The following RBFOX1 variants were observed in gnomAD, a reference collection of about 807,000 sequenced individuals.
The protein encoded by RBFOX1 is RNA binding protein fox-1 homolog 1.
In RBFOX1, 8 loss-of-function variants were observed where a neutral mutation model predicts 57.7. The observed-to-expected ratio is 0.14, with a 90% CI of 0.08 to 0.25. RBFOX1 has a LOEUF of 0.25. Ranked by LOEUF, RBFOX1 falls within the 10% of genes least tolerant of loss-of-function variation. The probability of loss-of-function intolerance (pLI) is 1.00; values close to 1 mark genes in which losing one functional copy is unlikely to be tolerated. For missense variants in RBFOX1, 611 were observed against 548.5 expected (o/e 1.11, Z -1.14); for synonymous variants, 326 against 222.4 (o/e 1.47, Z -4.15).
chr16:6,040,624 CTTACTCTG>C (rs2095426424), intron 1 of RBFOX1, among the ~76,000 whole-genome samples: 1 of 151,844 alleles, frequency 6.6e-6, no homozygotes, highest in Non-Finnish European at 1.5e-5. Flanking sequence ...TTGAGACAGT[CTTACTCTG>C]TTGCCTAGCT....
In RBFOX1 at chr16:6,961,319, A is replaced by T. The variant is rs550018728; in HGVS notation, c.-15-90738A>T. 9.9e-4 allele frequency among the ~76,000 whole-genome samples: 151 copies of T among 152,330 alleles called. 1 individual carries two copies. Among genetic ancestry groups the T allele is most frequent in the Middle Eastern group, 6.8e-3 (2 of 294 alleles). ...GCAATGCAGACAGTCCTGGCCATGC[A>T]AGTGGAGCCCCTGGGTCCCTGCGTC... On this transcript the variant is annotated intron_variant, in intron 3 of 15. Transcript: ENST00000550418.
At chr16:7,701,626 A>G (rs996176798) in intron 14 of RBFOX1, among the ~76,000 whole-genome samples, 1 of 152,228 alleles carries the variant, frequency 6.6e-6, no homozygotes, top group African/African-American at 2.4e-5. Context: ...GGACTGGTTT[A>G]GTTCCTCCAA....
chr16:5,437,621 G>C (rs1333559794), intron 1 of RBFOX1, among the ~76,000 whole-genome samples: 1 of 152,130 alleles, frequency 6.6e-6, no homozygotes, highest in African/African-American at 2.4e-5. Flanking sequence ...CAAAAGAGTG[G>C]TATTAAGATA....
At chr16:5,777,103 G>C (rs1001733517) in intron 3 of RBFOX1, among the ~76,000 whole-genome samples, 1 of 152,128 alleles carries the variant, frequency 6.6e-6, no homozygotes, top group African/African-American at 2.4e-5. Flanking sequence ...CACACTTTGT[G>C]GTTTAAACAA....
At chr16:5,601,082 G>T (rs1251021952), downstream of RBFOX1, 1 of 152,216 alleles carries the variant, frequency 6.6e-6, no homozygotes, top group Non-Finnish European at 1.5e-5. Context: ...GATGTATGAA[G>T]CACGAAAGTA....
At chr16:6,542,400 T>A (rs185138756) in intron 2 of RBFOX1, among the ~76,000 whole-genome samples, 23 of 151,458 alleles carry the variant, frequency 1.5e-4, no homozygotes, top group African/African-American at 5.1e-4. Flanking sequence ...CATGTGTGCT[T>A]TCCTCTGAGC....
chr16:7,285,378 TTGTGTGTGTGTG>T (rs113808623), intron 4 of RBFOX1, among the ~76,000 whole-genome samples: 2 of 147,578 alleles, frequency 1.4e-5, no homozygotes, highest in Non-Finnish European at 3.0e-5. Flanking sequence ...CTTGCATTAA[TTGTGTGTGTGTG>T]TGTGTGTGTG....
rs573045436 is a variant in RBFOX1 at position 6,516,229 on chromosome 16, A to G, written c.-63-138374A>G. ...TTTTTAGTAGTGACAGGATTTTGCC[A>G]TGTTGGCCAGGCTAGTCTCGAACTC... On this transcript the variant is annotated intron_variant, in intron 2 of 15. Transcript: ENST00000550418. 5.9e-5 allele frequency among the ~76,000 whole-genome samples: 9 copies of G among 152,244 alleles called. No homozygotes were observed. The South Asian group carries it at 1.9e-3, about 32-fold the overall frequency.
intron 3 of RBFOX1, among the ~76,000 whole-genome samples, chr16:6,820,906 T>G (rs2091179504): frequency 6.6e-6 from 1 of 152,230 alleles, no homozygotes; most frequent in South Asian, 2.1e-4. Flanking sequence ...CTTAGCAGTT[T>G]GGACCATACA....
At chr16:6,638,796 G>T (rs887857) in intron 2 of RBFOX1, among the ~76,000 whole-genome samples, 2 of 151,944 alleles carry the variant, frequency 1.3e-5, no homozygotes, top group Non-Finnish European at 2.9e-5. Context: ...GCAGGTGTTT[G>T]GGTGATGGCC....
chr16:6,277,268 CTG>C (rs1399408381), intron 1 of RBFOX1, among the ~76,000 whole-genome samples: 1 of 151,904 alleles, frequency 6.6e-6, no homozygotes, highest in Admixed American at 6.6e-5. Flanking sequence ...TGAGACCAGC[CTG>C]GGCAACATGG....
intron 3 of RBFOX1, among the ~76,000 whole-genome samples, chr16:6,779,003 T>G (rs1453617151): frequency 6.6e-6 from 1 of 152,062 alleles, no homozygotes; most frequent in African/African-American, 2.4e-5. Flanking sequence ...ATCATTTTGT[T>G]GTTTTGCAAA....
At chr16:5,355,964 G>A (rs975037919) in intron 1 of RBFOX1, among the ~76,000 whole-genome samples, 6 of 152,174 alleles carry the variant, frequency 3.9e-5, no homozygotes, top group Non-Finnish European at 5.9e-5. Context: ...GGTGGCCCGT[G>A]CCTGTAATCT....
rs367903037 is a variant in RBFOX1 at position 5,778,857 on chromosome 16, CT to C, written c.319-88445del. 3.5e-3 allele frequency among the ~76,000 whole-genome samples: 532 copies of C among 152,258 alleles called. 4 individuals are homozygous for C. The highest frequency in any genetic ancestry group is 0.017 in the Middle Eastern group (5 of 294). On this transcript the variant is annotated intron_variant, in intron 3 of 19. Transcript: ENST00000641259. ...CGGTTTTCCCATCTCAAAAATGGGG[CT>C]GTTATTGTCATCTGCCTGATATGAT...
intron 1 of RBFOX1, among the ~76,000 whole-genome samples, chr16:6,149,541 C>G (rs1467520735): frequency 2.0e-5 from 3 of 152,160 alleles, no homozygotes; most frequent in South Asian, 4.1e-4. Flanking sequence ...GCAGCTGGTG[C>G]TGACTGGGTG....
chr16:5,332,341 C>G (rs1421653099), intron 1 of RBFOX1, among the ~76,000 whole-genome samples: 2 of 152,064 alleles, frequency 1.3e-5, no homozygotes, highest in African/African-American at 2.4e-5. Context: ...GATCTCGACT[C>G]ATTGCAACCT....
intron 4 of RBFOX1, among the ~76,000 whole-genome samples, chr16:7,341,776 C>CTCCTTCCTTCCTTCCTTCCTTCCT (rs767808435): frequency 3.9e-4 from 37 of 95,198 alleles, no homozygotes; most frequent in African/African-American, 1.4e-3. Flanking sequence ...CCCTCCCTCC[C>CTCCTTCCTTCCTTCCTTCCTTCCT]TCCTTCCTTC....
intron 1 of RBFOX1, among the ~76,000 whole-genome samples, chr16:5,310,828 C>T (rs1435744748): frequency 6.6e-6 from 1 of 152,152 alleles, no homozygotes; most frequent in Non-Finnish European, 1.5e-5. Context: ...AAATGAAGTA[C>T]ACTCTTTTCT....
chr16:7,602,992 G>C (rs946174931), intron 9 of RBFOX1, among the ~76,000 whole-genome samples: 1 of 152,112 alleles, frequency 6.6e-6, no homozygotes, highest in Non-Finnish European at 1.5e-5. Flanking sequence ...ATGTCCATTG[G>C]GTCAGTGAAG....
Sources: gnomAD v4.1 joint callset for allele counts (sites outside exome capture counted in the v4.1 genomes callset) on GRCh38, gnomAD v4.1.1 for gene constraint, MANE v1.5 for transcripts, NCBI Gene and HGNC (gene_info 2026-07-23, HGNC 2026-07-21) for gene names.